CDH4: variants seen among roughly 807,000 people sequenced by gnomAD.
CDH4 encodes cadherin-4.
In CDH4, 33 loss-of-function variants were observed where a neutral mutation model predicts 86.0. The observed-to-expected ratio is 0.38, with a 90% confidence interval of 0.29 to 0.51. The LOEUF is 0.51. Ranked by LOEUF, CDH4 falls within the 20% of genes least tolerant of loss-of-function variation. The pLI is 0.86. For missense variants in CDH4, 1,114 were observed against 1,307.4 expected (o/e 0.85, Z 2.28); for synonymous variants, 555 against 549.4 (o/e 1.01, Z -0.14).
chr20:61,933,697 C>T (rs2055142330), intron 14 of CDH4, among the ~76,000 whole-genome samples: 1 of 146,350 alleles, frequency 6.8e-6, no homozygotes, highest in Admixed American at 6.7e-5. Flanking sequence ...TCCCGCAACA[C>T]GACCATAACG....
chr20:61,891,263 G>A (rs906094095), intron 7 of CDH4, among the ~76,000 whole-genome samples: 26 of 152,302 alleles, frequency 1.7e-4, no homozygotes, highest in African/African-American at 5.8e-4. Context: ...AACTGGTCAC[G>A]GCTATGTGGT....
At chr20:61,729,784 A>T (rs6061772) in intron 2 of CDH4, among the ~76,000 whole-genome samples, 1 of 152,234 alleles carries the variant, frequency 6.6e-6, no homozygotes, top group Admixed American at 6.5e-5. Context: ...TGCAGTGTCC[A>T]TGAGGATGTG....
At chr20:61,734,729 C>T (rs946286428) in intron 2 of CDH4, among the ~76,000 whole-genome samples, 10 of 151,730 alleles carry the variant, frequency 6.6e-5, no homozygotes, top group Middle Eastern at 3.4e-3. Context: ...GGCTTGGGGC[C>T]GTGGGGAGCT....
chr20:61,608,821 C>T lies in CDH4; in HGVS notation c.170-134742C>T, dbSNP rs6061665. 4.8e-3 allele frequency among the ~76,000 whole-genome samples: 731 copies of T among 152,228 alleles called. 4 individuals carry two copies. Among genetic ancestry groups the T allele is most frequent in the African/African-American group, 0.016 (683 of 41,546 alleles). On this transcript the variant is annotated intron_variant, in intron 2 of 15. Transcript: ENST00000614565. ...AAGCTGTCATGTGATCAGCCAAACG[C>T]GGGGTGGTGAGCACGACCTCCTAGA...
intron 2 of CDH4, among the ~76,000 whole-genome samples, chr20:61,597,463 C>T (rs1316721192): frequency 1.3e-5 from 2 of 152,258 alleles, no homozygotes; most frequent in African/African-American, 2.4e-5. Flanking sequence ...GCACCTTCCA[C>T]CTTCCCCAGT....
At chr20:61,470,407 AATTT>A (rs78245397) in intron 2 of CDH4, among the ~76,000 whole-genome samples, 56,599 of 151,646 alleles carry the variant, frequency 0.37, 11,610 homozygotes, top group Admixed American at 0.5. Context: ...AACTTCACTG[AATTT>A]ATTTATCTGT....
At chr20:61,568,144 T>C (rs1327609792) in intron 2 of CDH4, among the ~76,000 whole-genome samples, 1 of 152,148 alleles carries the variant, frequency 6.6e-6, no homozygotes, top group Non-Finnish European at 1.5e-5. Flanking sequence ...TGAACCCTTC[T>C]CATGAGAATA....
At chr20:61,649,635 G>C (rs377591424) in intron 2 of CDH4, among the ~76,000 whole-genome samples, 1 of 152,174 alleles carries the variant, frequency 6.6e-6, no homozygotes, top group Non-Finnish European at 1.5e-5. Flanking sequence ...GACTCCTGCC[G>C]GGAGCGCGCG....
At position 61,518,664 on chromosome 20, in the gene CDH4, A is replaced by G. The variant is rs1026792037; in HGVS notation, c.170-224899A>G. 1.3e-5 allele frequency among the ~76,000 whole-genome samples: 2 copies of G among 150,260 alleles called. No individual in the cohort carries two copies. Among genetic ancestry groups the G allele is most frequent in the African/African-American group, 2.5e-5 (1 of 40,630 alleles). On this transcript the variant is annotated intron_variant, in intron 2 of 15. Transcript: ENST00000614565. This position sits in a 1 kb window ranked among gnomAD's most constrained non-coding sequence, Gnocchi z 6.3. The stretch of plus-strand genomic sequence containing the variant: ...TATCCATCCATTCATCCTTCCATCT[A>G]TCATCCTTTATTCATCCATCCTTCA...
At chr20:61,875,794 A>C (rs576638248) in intron 7 of CDH4, among the ~76,000 whole-genome samples, 1 of 152,310 alleles carries the variant, frequency 6.6e-6, no homozygotes, top group Admixed American at 6.5e-5. Context: ...AGATGATCCC[A>C]TGGGCACATG....
intron 2 of CDH4, among the ~76,000 whole-genome samples, chr20:61,675,063 T>A (rs963452781): frequency 6.6e-6 from 1 of 152,202 alleles, no homozygotes. Flanking sequence ...TAGACAGAGA[T>A]AGAATGGGGT....
chr20:61,753,294 GCCT>G (rs2088521468), intron 3 of CDH4, among the ~76,000 whole-genome samples: 1 of 152,062 alleles, frequency 6.6e-6, no homozygotes, highest in Non-Finnish European at 1.5e-5. Context: ...TTCAAGTGCC[GCCT>G]CCTCTGTCCA....
intron 2 of CDH4, among the ~76,000 whole-genome samples, chr20:61,687,769 A>G (rs1022900775): frequency 2.0e-5 from 3 of 152,168 alleles, no homozygotes; most frequent in African/African-American, 7.2e-5. Context: ...GCAAAAATTT[A>G]TTTTAAAAAA....
chr20:61,928,074 C>T lies in CDH4; in HGVS notation c.1772-116C>T, dbSNP rs559715343. 1.6e-5 allele frequency: 13 copies of T among 817,546 alleles called. No individual in the cohort carries two copies. In the African/African-American group the frequency reaches 1.7e-4, roughly 10 times the overall value. The allele number at this position is 817,546 out of a possible 1,614,324, so 50.6% of individuals were successfully genotyped here. ...GGCCGTGTCCGGCTGGGGGTCTGCA[C>T]ATGTGTCCCTGTGTATGTTGCACGT... On this transcript the variant is annotated intron_variant, in intron 11 of 15. Coordinates refer to ENST00000614565, the MANE Select transcript of CDH4 (RefSeq NM_001794.5).
chr20:61,563,161 C>T (rs117028705), intron 2 of CDH4, among the ~76,000 whole-genome samples: 2,266 of 152,338 alleles, frequency 0.015, 31 homozygotes, highest in Non-Finnish European at 0.021. Flanking sequence ...GTGAATTCTA[C>T]ACAAGGGCCC....
chr20:61,598,094 A>G lies in CDH4; in HGVS notation c.170-145469A>G, dbSNP rs1272753835. On this transcript the variant is annotated intron_variant, in intron 2 of 15. Coordinates refer to ENST00000614565, the MANE Select transcript of CDH4 (RefSeq NM_001794.5). ...GTGAACACATGCCAAGCTCTTGTCA[A>G]TGGCCAGACACGCCGGGCACTGTGG... 2.0e-5 allele frequency among the ~76,000 whole-genome samples: 3 copies of G among 152,174 alleles called. No individual in the cohort carries two copies. In the East Asian group the frequency reaches 5.8e-4, roughly 29 times the overall value.
In CDH4 at chr20:61,902,952, G is replaced by A. The variant is rs577084555; in HGVS notation, c.1189-7470G>A. ...GAGGATCACTTGAGCCCAGGAGTTC[G>A]AGGCTGCAGTGAGGTGTGATCATGC... On this transcript the variant is annotated intron_variant, in intron 8 of 15. Transcript: ENST00000614565. This position sits in a 1 kb window ranked among gnomAD's most constrained non-coding sequence, Gnocchi z 4.6. Among the ~76,000 whole-genome samples, 6 of 138,486 alleles carry A rather than the reference G, an allele frequency of 4.3e-5. No homozygotes were observed. The highest frequency in any genetic ancestry group is 1.1e-4 in the African/African-American group (4 of 37,276). The allele number at this position is 138,486 out of a possible 152,430, so 90.9% of individuals were successfully genotyped here.
chr20:61,498,241 G>C (rs2085676683), intron 2 of CDH4, among the ~76,000 whole-genome samples: 1 of 152,084 alleles, frequency 6.6e-6, no homozygotes, highest in Non-Finnish European at 1.5e-5. Flanking sequence ...GTGAAGACCA[G>C]ATCGGATGGG....
At chr20:61,833,061 T>C (rs1809737662) in intron 4 of CDH4, among the ~76,000 whole-genome samples, 1 of 152,110 alleles carries the variant, frequency 6.6e-6, no homozygotes, top group Non-Finnish European at 1.5e-5. Flanking sequence ...CCCGTCAGAA[T>C]GGTCACCCTC....
Sources: allele counts gnomAD v4.1 joint callset (sites outside exome capture counted in the v4.1 genomes callset), GRCh38; gene constraint gnomAD v4.1.1; non-coding constraint Gnocchi (gnomAD v3.1); transcripts MANE v1.5; gene names NCBI Gene and HGNC (gene_info 2026-07-23, HGNC 2026-07-21).